Variants in ACMSD observed in about 807,000 individuals in gnomAD.
ACMSD encodes aminocarboxymuconate semialdehyde decarboxylase, also known as 2-amino-3-carboxymuconate-6-semialdehyde decarboxylase.
ACMSD carries 37 observed loss-of-function variants against 45.9 expected under a neutral mutation model. The observed-to-expected ratio is 0.81, with a 90% CI of 0.62 to 1.06. The LOEUF (loss-of-function observed/expected upper bound fraction) is 1.06, where lower values mean the gene tolerates loss of function less well. Among genes scored for constraint, ACMSD ranks in the 50% least tolerant of loss-of-function variants. The probability of loss-of-function intolerance (pLI) is 0.00; values close to 1 mark genes in which losing one functional copy is unlikely to be tolerated. For missense variants in ACMSD, 434 were observed against 420.9 expected, an observed-to-expected ratio of 1.03 and a Z score of -0.27; for synonymous variants, 138 against 148.8, an observed-to-expected ratio of 0.93 and a Z score of 0.53.
intron 1 of ACMSD, among the ~76,000 whole-genome samples, chr2:134,839,583 T>A (rs1686689444): frequency 6.6e-6 from 1 of 152,236 alleles, no homozygotes; most frequent in East Asian, 1.9e-4. Flanking sequence ...GAAAATGAAT[T>A]AACCCAAACT....
intron 6 of ACMSD, among the ~76,000 whole-genome samples, chr2:134,870,733 C>T (rs1237250543): frequency 6.6e-6 from 1 of 152,172 alleles, no homozygotes; most frequent in Non-Finnish European, 1.5e-5. Context: ...AAACCAAGTC[C>T]TCTGGCTCCT....
At chr2:134,859,500 G>GCCCT in intron 3 of ACMSD, 143 bp downstream of exon 3, 1 of 680,964 alleles carries the variant, frequency 1.5e-6, no homozygotes, top group Non-Finnish European at 2.5e-6. Flanking sequence ...ACTGTGGGAG[G>GCCCT]GACAGGGCCT....
At chr2:134,901,493 C>G (rs1047490524) in intron 9 of ACMSD, among the ~76,000 whole-genome samples, 2 of 152,168 alleles carry the variant, frequency 1.3e-5, no homozygotes, top group Non-Finnish European at 2.9e-5. Context: ...TCTGTATTTG[C>G]CCCCAAATGG....
At chr2:134,901,240 C>G (rs762958931) in intron 9 of ACMSD, among the ~76,000 whole-genome samples, 3 of 152,160 alleles carry the variant, frequency 2.0e-5, no homozygotes, top group Non-Finnish European at 4.4e-5. Flanking sequence ...CTTCTTTCAG[C>G]AGAGTTGATA....
intron 8 of ACMSD, chr2:134,873,530 G>A (rs1482438510): frequency 1.3e-5 from 2 of 152,212 alleles, no homozygotes; most frequent in Admixed American, 6.5e-5. Context: ...TGGTACTTGA[G>A]TTTAGACTCT....
intron 8 of ACMSD, among the ~76,000 whole-genome samples, chr2:134,891,776 A>G (rs1248343202): frequency 6.6e-6 from 1 of 152,114 alleles, no homozygotes; most frequent in Non-Finnish European, 1.5e-5. Context: ...AGATACCTAC[A>G]CTTGTATGTT....
rs762257405 is a variant in ACMSD at position 134,845,217 on chromosome 2, C to T, written c.58-16C>T. On this transcript the variant is annotated splice_polypyrimidine_tract_variant and intron_variant, in intron 1 of 9. Transcript: ENST00000356140. The stretch of plus-strand genomic sequence containing the variant: ...TCTTTGCTCTTTGACTCTAACTGTG[C>T]TTCTCCCCACTGCAGAGGTTTGGCT... The T allele has an allele frequency of 1.1e-5, 17 of 1,613,968 alleles. No homozygotes were observed. The highest frequency in any genetic ancestry group is 1.3e-5 in the Non-Finnish European group (15 of 1,179,972).
chr2:134,858,619 C>T (rs1379521423), intron 2 of ACMSD, among the ~76,000 whole-genome samples: 1 of 152,104 alleles, frequency 6.6e-6, no homozygotes. Flanking sequence ...TAATGTTGTA[C>T]AGCATAAATA....
intron 6 of ACMSD, 107 bp from the exon 7 acceptor site, chr2:134,870,858 A>G (rs1573665847): frequency 1.8e-5 from 16 of 894,512 alleles, no homozygotes; most frequent in East Asian, 1.5e-4. Context: ...GCCAGGGTAC[A>G]AGGGCCTCAA....
intron 2 of ACMSD, among the ~76,000 whole-genome samples, chr2:134,858,926 C>T (rs542399626): frequency 2.2e-4 from 33 of 148,316 alleles, no homozygotes; most frequent in Non-Finnish European, 4.0e-4. Context: ...ATTTTCCAGA[C>T]GCTGGGCCAT....
chr2:134,886,360 T>C (rs935995614), intron 8 of ACMSD, among the ~76,000 whole-genome samples: 2 of 150,794 alleles, frequency 1.3e-5, no homozygotes, highest in African/African-American at 4.9e-5. Context: ...GCCATTCTCC[T>C]GCCTCAGCCT....
chr2:134,839,008 T>C (rs1686661236), intron 1 of ACMSD, among the ~76,000 whole-genome samples: 1 of 152,178 alleles, frequency 6.6e-6, no homozygotes, highest in Non-Finnish European at 1.5e-5. Flanking sequence ...ACAATTTAAA[T>C]AAGGCAGATT....
intron 2 of ACMSD, among the ~76,000 whole-genome samples, chr2:134,848,559 G>A (rs191342813): frequency 9.5e-4 from 144 of 152,134 alleles, no homozygotes; most frequent in African/African-American, 3.4e-3. Context: ...CATGTTTGTT[G>A]GGCACATAAA....
intron 8 of ACMSD, among the ~76,000 whole-genome samples, chr2:134,887,372 T>C (rs1023608264): frequency 9.9e-5 from 15 of 152,224 alleles, no homozygotes; most frequent in African/African-American, 3.6e-4. Flanking sequence ...ATTAATGGAA[T>C]AAACTAAAGA....
Position 134,863,511 on chromosome 2 carries a change from T to A in ACMSD, c.366T>A (p.Pro122=), listed in dbSNP as rs750782624. The part of the protein sequence containing the change: ...VGLGTLPMQA[P]ELAVKEMERC... ...TGGGGACGTTGCCCATGCAGGCCCC[T>A]GAGCTGGCGGTCAAGGAGATGGAGC... is the stretch of plus-strand genomic sequence containing the variant. The change falls in exon 5 of 10, where the codon CCT becomes CCA. Residue 122 remains proline, a synonymous_variant. Transcript: ENST00000356140. 28 of 1,613,352 alleles carry A rather than the reference T, an allele frequency of 1.7e-5. No individual in the cohort carries two copies. Among genetic ancestry groups the A allele is most frequent in the South Asian group, 2.2e-5 (2 of 91,074 alleles).
intron 8 of ACMSD, among the ~76,000 whole-genome samples, chr2:134,892,551 T>C (rs916707466): frequency 2.6e-5 from 4 of 152,140 alleles, no homozygotes; most frequent in East Asian, 1.9e-4. Context: ...GATGACTCCA[T>C]GGAAGGCGCT....
At chr2:134,885,348 TAA>T (rs1491380062) in intron 8 of ACMSD, among the ~76,000 whole-genome samples, 3 of 101,852 alleles carry the variant, frequency 2.9e-5, no homozygotes, top group Admixed American at 1.5e-4. Context: ...TATTTATATA[TAA>T]TATATATTTA....
At position 134,874,008 on chromosome 2, in the gene ACMSD, G is replaced by C. The variant is rs1688603674; in HGVS notation, c.849+1367G>C. ...GTATTCTTGGAAATTGAAAACACCA[G>C]GAGAAAACACCATTGCCAAATCCAA... On this transcript the variant is annotated intron_variant, in intron 8 of 9. Transcript: ENST00000356140. Among the ~76,000 whole-genome samples, 3 of 152,274 alleles carry C rather than the reference G, an allele frequency of 2.0e-5. No homozygotes were observed. The South Asian group carries it at 6.2e-4, about 32-fold the overall frequency.
chr2:134,862,061 C>T (rs373563280), intron 4 of ACMSD, 43 bp downstream of exon 4: 67 of 1,611,326 alleles, frequency 4.2e-5, no homozygotes, highest in African/African-American at 1.9e-4. Flanking sequence ...GTTGAAGGTT[C>T]GTGTTGAGCT....
Sources: allele counts gnomAD v4.1 joint callset (sites outside exome capture counted in the v4.1 genomes callset), GRCh38; gene constraint gnomAD v4.1.1; transcripts MANE v1.5; gene names NCBI Gene and HGNC (gene_info 2026-07-23, HGNC 2026-07-21).